ZNF676: variants seen among roughly 807,000 people sequenced by gnomAD.
ZNF676 encodes zinc finger protein 676.
Under a neutral mutation model 6.0 loss-of-function variants are expected in ZNF676, and 4 were observed. That is an observed-to-expected ratio of 0.67 (90% CI 0.33 to 1.53). The LOEUF is 1.53. Among genes scored for constraint, ZNF676 ranks in the 40% most tolerant of loss-of-function variants. The pLI is 0.06. For missense variants in ZNF676, 644 were observed against 679.7 expected, an observed-to-expected ratio of 0.95 and a Z score of 0.58; for synonymous variants, 198 against 223.1, an observed-to-expected ratio of 0.89 and a Z score of 1.00.
intron 2 of ZNF676, among the ~76,000 whole-genome samples, chr19:22,182,452 ACT>A (rs1311893957): frequency 6.6e-6 from 1 of 151,868 alleles, no homozygotes; most frequent in Non-Finnish European, 1.5e-5. Context: ...ATTGAATAGC[ACT>A]CAATGAGTGA....
intron 2 of ZNF676, among the ~76,000 whole-genome samples, chr19:22,182,013 C>A (rs373015601): frequency 1.3e-5 from 2 of 151,294 alleles, no homozygotes; most frequent in East Asian, 3.9e-4. Context: ...ACACTGGTTT[C>A]TGTCTCTCAT....
At chr19:22,220,447 G>T (rs1022892542), upstream of ZNF676, among the ~76,000 whole-genome samples, 2 of 143,204 alleles carry the variant, frequency 1.4e-5, no homozygotes, top group East Asian at 2.0e-4. Context: ...TGTCCTGGAC[G>T]TTTTTTGTTG....
chr19:22,216,619 T>TC (rs1212275372), upstream of ZNF676, among the ~76,000 whole-genome samples: 1 of 152,014 alleles, frequency 6.6e-6, no homozygotes, highest in African/African-American at 2.4e-5. Flanking sequence ...AATAGCCTTT[T>TC]TTTTTAACTT....
the ZNF676 span, among the ~76,000 whole-genome samples, chr19:22,231,802 C>T: frequency 6.6e-6 from 1 of 151,762 alleles, no homozygotes; most frequent in East Asian, 2.0e-4. Context: ...GGGTTTTCAC[C>T]ATGTTGGCCA....
intron 2 of ZNF676, among the ~76,000 whole-genome samples, chr19:22,190,510 T>TA (rs1192234252): frequency 1.3e-5 from 2 of 150,636 alleles, no homozygotes; most frequent in Non-Finnish European, 3.0e-5. Flanking sequence ...ATAATAATAA[T>TA]AATAAAGCAA....
At chr19:22,229,430 A>G in the ZNF676 span, among the ~76,000 whole-genome samples, 62,370 of 151,840 alleles carry the variant, frequency 0.41, 13,654 homozygotes, top group African/African-American at 0.57. Flanking sequence ...GCTATTCAGG[A>G]CATAGGCATG....
the ZNF676 span, among the ~76,000 whole-genome samples, chr19:22,221,471 G>T: frequency 6.6e-6 from 1 of 152,068 alleles, no homozygotes; most frequent in South Asian, 2.1e-4. Context: ...TTATTCAGGG[G>T]CTGGGCATGG....
chr19:22,239,727 G>C, the ZNF676 span, among the ~76,000 whole-genome samples: 1 of 152,150 alleles, frequency 6.6e-6, no homozygotes, highest in Admixed American at 6.5e-5. Context: ...TTTGGGTGCT[G>C]GGCTCAGAGT....
intron 2 of ZNF676, among the ~76,000 whole-genome samples, chr19:22,182,103 C>T (rs1242080614): frequency 6.6e-6 from 1 of 152,070 alleles, no homozygotes; most frequent in Non-Finnish European, 1.5e-5. Flanking sequence ...AAATGCACTG[C>T]AGCAGAGCAC....
At chr19:22,195,432 C>T (rs1269713111) in intron 1 of ZNF676, among the ~76,000 whole-genome samples, 2 of 152,216 alleles carry the variant, frequency 1.3e-5, no homozygotes, top group African/African-American at 4.8e-5. Context: ...CTTCTTCTAA[C>T]TCAACTTACT....
chr19:22,222,644 A>C, the ZNF676 span, among the ~76,000 whole-genome samples: 24,933 of 146,366 alleles, frequency 0.17, 2,641 homozygotes, highest in Middle Eastern at 0.25. Context: ...GTTTATATAA[A>C]CTGGTTACAA....
intron 1 of ZNF676, among the ~76,000 whole-genome samples, chr19:22,215,381 C>A (rs1249533342): frequency 2.0e-5 from 3 of 152,208 alleles, no homozygotes; most frequent in Non-Finnish European, 4.4e-5. Context: ...CTGGGAGAGA[C>A]TCCGCGCTGA....
chr19:22,214,934 G>C (rs1331148586), intron 1 of ZNF676, among the ~76,000 whole-genome samples: 1 of 150,996 alleles, frequency 6.6e-6, no homozygotes, highest in Non-Finnish European at 1.5e-5. Flanking sequence ...GCAGCTACTC[G>C]GGAGGCTGAG....
chr19:22,248,399 C>A, the ZNF676 span, among the ~76,000 whole-genome samples: 1 of 152,212 alleles, frequency 6.6e-6, no homozygotes, highest in African/African-American at 2.4e-5. Context: ...ACATTCTCTC[C>A]AGCACCTGTT....
At chr19:22,218,084 G>T (rs1483367952), upstream of ZNF676, among the ~76,000 whole-genome samples, 4 of 152,048 alleles carry the variant, frequency 2.6e-5, no homozygotes, top group Non-Finnish European at 5.9e-5. Context: ...AATCATTAGT[G>T]ATGTTCAGCA....
At chr19:22,212,431 T>C (rs919888050) in intron 1 of ZNF676, among the ~76,000 whole-genome samples, 2 of 152,156 alleles carry the variant, frequency 1.3e-5, no homozygotes, top group Non-Finnish European at 2.9e-5. Flanking sequence ...CCGGGCACAG[T>C]GGCTCACACC....
At chr19:22,239,306 G>A in the ZNF676 span, among the ~76,000 whole-genome samples, 13 of 150,426 alleles carry the variant, frequency 8.6e-5, no homozygotes, top group East Asian at 2.6e-3. Flanking sequence ...CTCCCGAGTA[G>A]CTAGGACTAC....
chr19:22,247,343 T>C, the ZNF676 span, among the ~76,000 whole-genome samples: 204 of 147,586 alleles, frequency 1.4e-3, 1 homozygote, highest in African/African-American at 4.8e-3. Flanking sequence ...GCAGGTGGAT[T>C]ACCTGACGTC....
At chr19:22,255,369 T>C in the ZNF676 span, among the ~76,000 whole-genome samples, 49 of 152,290 alleles carry the variant, frequency 3.2e-4, no homozygotes, top group African/African-American at 1.2e-3. Context: ...TAGGACACTC[T>C]CTGTACTACC....
Sources: allele counts gnomAD v4.1 joint callset (sites outside exome capture counted in the v4.1 genomes callset), GRCh38; gene constraint gnomAD v4.1.1; transcripts MANE v1.5; gene names NCBI Gene and HGNC (gene_info 2026-07-23, HGNC 2026-07-21).